The following MCM8 variants were observed in gnomAD, a reference collection of about 807,000 sequenced individuals.
The protein encoded by MCM8 is DNA helicase MCM8.
MCM8 carries 85 observed loss-of-function variants against 98.9 expected under a neutral mutation model. The observed-to-expected ratio is 0.86, with a 90% CI of 0.72 to 1.03. The LOEUF is 1.03. Among genes scored for constraint, MCM8 ranks in the 50% least tolerant of loss-of-function variants. The pLI, the probability that MCM8 is intolerant of heterozygous loss-of-function variation, is 0.00. For synonymous variants in MCM8, 352 were observed against 338.6 expected (o/e 1.04, Z -0.44); for missense variants, 951 against 997.8 (o/e 0.95, Z 0.63).
At chr20:5,969,023 T>TC (rs2089341745) in intron 10 of MCM8, among the ~76,000 whole-genome samples, 1 of 152,226 alleles carries the variant, frequency 6.6e-6, no homozygotes, top group Non-Finnish European at 1.5e-5. Context: ...GGCATTTACT[T>TC]CCAGTGTGAT....
chr20:5,971,716 C>T (rs941734262), intron 10 of MCM8, among the ~76,000 whole-genome samples: 3 of 152,150 alleles, frequency 2.0e-5, no homozygotes, highest in East Asian at 3.8e-4. Context: ...ATGATTGTGA[C>T]GCATTTTAAG....
intron 3 of MCM8, 56 bp downstream of exon 3, chr20:5,952,584 T>G: frequency 7.1e-7 from 1 of 1,398,898 alleles, no homozygotes; most frequent in South Asian, 1.2e-5. Flanking sequence ...TAACTTGTCT[T>G]TGGATGCTAC....
Position 5,967,601 on chromosome 20 carries a change from C to G in MCM8, c.1027+14C>G. On this transcript the variant is annotated intron_variant, in intron 9 of 18. Transcript: ENST00000610722. ...ATGCGGAAGAAGGTAGGGTACAACT[C>G]TTTTCATTATTTGTCTCTCAATAAT... 1 of 1,594,576 alleles carries G rather than the reference C, an allele frequency of 6.3e-7. No homozygotes were observed. Among genetic ancestry groups the G allele is most frequent in the East Asian group, 2.3e-5 (1 of 44,394 alleles).
At chr20:5,963,406 C>T (rs780258846) in intron 8 of MCM8, 47 bp downstream of exon 8, 1 of 1,394,450 alleles carries the variant, frequency 7.2e-7, no homozygotes, top group Non-Finnish European at 1.0e-6. Context: ...AGATGTCACA[C>T]TGTTGAGAAA....
chr20:5,972,791 G>A lies in MCM8; in HGVS notation c.1255-265G>A, dbSNP rs188762233. 1.5e-4 allele frequency: 217 copies of A among 1,403,602 alleles called. 1 individual carries two copies. In the East Asian group the frequency reaches 2.6e-3, roughly 17 times the overall value. The allele number at this position is 1,403,602 out of a possible 1,614,324, so 86.9% of individuals were successfully genotyped here. On this transcript the variant is annotated intron_variant, in intron 11 of 18. Coordinates refer to ENST00000610722, the MANE Select transcript of MCM8 (RefSeq NM_032485.6). ...ATTAAAGCAAAAACAAATATTTCTC[G>A]TTTTTGTGGAATGGATTTATGCCTT...
At chr20:5,965,214 G>A (rs2089248417) in intron 8 of MCM8, 3 of 152,138 alleles carry the variant, frequency 2.0e-5, no homozygotes, top group South Asian at 4.1e-4. Context: ...AATAATATGA[G>A]CTTCTGACTT....
At chr20:5,963,889 A>G (rs1411421217) in intron 8 of MCM8, among the ~76,000 whole-genome samples, 1 of 152,200 alleles carries the variant, frequency 6.6e-6, no homozygotes, top group Non-Finnish European at 1.5e-5. Context: ...AGGATTCATT[A>G]TGCAAATATT....
chr20:5,987,524 T>C (rs1462344357), intron 17 of MCM8, among the ~76,000 whole-genome samples, 166 bp downstream of exon 17: 1 of 152,222 alleles, frequency 6.6e-6, no homozygotes, highest in East Asian at 1.9e-4. Flanking sequence ...GTGTAAATAA[T>C]CTTTACATTA....
intron 8 of MCM8, among the ~76,000 whole-genome samples, chr20:5,965,704 A>G (rs2089261448): frequency 6.6e-6 from 1 of 152,146 alleles, no homozygotes; most frequent in African/African-American, 2.4e-5. Flanking sequence ...TTTAGTGTGC[A>G]TCATATTTGG....
At chr20:5,986,446 G>C (rs769923275) in intron 16 of MCM8, among the ~76,000 whole-genome samples, 1 of 152,206 alleles carries the variant, frequency 6.6e-6, no homozygotes, top group Non-Finnish European at 1.5e-5. Flanking sequence ...GACCCAAGTT[G>C]AGTATATGGG....
rs1209627076 is a variant in MCM8 at position 5,984,973 on chromosome 20, T to G, written c.1926T>G (p.Ser642=). Residue 642 remains serine (S), a synonymous_variant, in exon 15 of 19, where the codon TCT becomes TCG. Transcript: ENST00000610722. ...ATACTTCCGTACTTGAAGTAGTTTC[T>G]GAGAAGCCATTATCAGAAAGACTAA... ...DSNTSVLEVV[S]EKPLSERLKV... The G allele has an allele frequency of 6.2e-7, 1 of 1,613,998 alleles. No homozygotes were observed. The highest frequency in any genetic ancestry group is 8.5e-7 in the Non-Finnish European group (1 of 1,179,920).
At chr20:5,951,555 A>G (rs2088824342) in intron 1 of MCM8, among the ~76,000 whole-genome samples, 1 of 152,224 alleles carries the variant, frequency 6.6e-6, no homozygotes, top group Non-Finnish European at 1.5e-5. Flanking sequence ...TGGATGTGAC[A>G]CTGCAGGATT....
Position 5,995,190 on chromosome 20 carries a change from C to T in MCM8, c.*799C>T, listed in dbSNP as rs898479316. 2 of 152,556 alleles carry T rather than the reference C, an allele frequency of 1.3e-5. No individual in the cohort carries two copies. The highest frequency in any genetic ancestry group is 2.4e-5 in the African/African-American group (1 of 41,384). 9.5% of individuals were successfully genotyped at this position (152,556 alleles called of 1,614,324 possible). On this transcript the variant is annotated 3_prime_UTR_variant, in exon 19 of 19. Coordinates refer to ENST00000610722, the MANE Select transcript of MCM8 (RefSeq NM_032485.6). ...TTTCCCATGTCAAGAATACAAAATACTTGAGTTTTGTTTTTAGCTATTTAA... is the reference window on the plus strand; with the variant it reads ...TTTCCCATGTCAAGAATACAAAATATTTGAGTTTTGTTTTTAGCTATTTAA...
rs186393328 is a variant in MCM8, at chr20:5,961,414, T to C, written c.790-1860T>C. Among the ~76,000 whole-genome samples the C allele has an allele frequency of 3.2e-3, 491 of 152,308 alleles. 5 individuals are homozygous for C. Among genetic ancestry groups the C allele is most frequent in the African/African-American group, 0.011 (467 of 41,578 alleles). ...AGGGTTGAATCCTTAGTGAGGTAAA[T>C]AGTCCCTTGAAGAATTAAAAAGGGA... On this transcript the variant is annotated intron_variant, in intron 7 of 18. Coordinates refer to ENST00000610722, the MANE Select transcript of MCM8 (RefSeq NM_032485.6).
At chr20:5,967,660 C>G in intron 9 of MCM8, 73 bp downstream of exon 9, 1 of 1,481,988 alleles carries the variant, frequency 6.7e-7, no homozygotes, top group Non-Finnish European at 9.1e-7. Context: ...TAAGATGCTC[C>G]TGAACCTCAA....
At position 5,958,554 on chromosome 20, in the gene MCM8, A is replaced by G; in HGVS notation, c.617A>G (p.Gln206Arg). 6.2e-7 allele frequency: 1 copy of G among 1,614,096 alleles called. No individual in the cohort carries two copies. The highest frequency in any genetic ancestry group is 8.5e-7 in the Non-Finnish European group (1 of 1,179,950). The change falls in exon 7 of 19, where the codon CAG (glutamine) becomes CGG (arginine). Residue 206 changes from glutamine (Q) to arginine (R), a missense_variant. Transcript: ENST00000610722. ...GTGTACAACTATGAGCCTTTGACAC[A>G]GCTCAAGAATGTCAGAGCAAATTAC... ...ARVYNYEPLT[Q>R]LKNVRANYYG...
intron 12 of MCM8, among the ~76,000 whole-genome samples, chr20:5,973,982 C>T (rs2089457590): frequency 6.6e-6 from 1 of 152,100 alleles, no homozygotes; most frequent in South Asian, 2.1e-4. Context: ...TGTGATCAGT[C>T]ATTTGTAGAT....
intron 12 of MCM8, among the ~76,000 whole-genome samples, chr20:5,976,604 T>C (rs1212661502): frequency 6.6e-6 from 1 of 152,210 alleles, no homozygotes; most frequent in African/African-American, 2.4e-5. Context: ...GGGCTTAAAC[T>C]ATCACAAAGA....
rs956099445 is a variant in MCM8 at position 5,954,975 on chromosome 20, T to TA, written c.337-126dup. On this transcript the variant is annotated intron_variant, in intron 4 of 18. Transcript: ENST00000610722. ...CCATGCTTGGCACAAAGCTTATACT[T>TA]ATGTCATACTTACCATTATCACATA... is the stretch of plus-strand genomic sequence containing the variant. The TA allele has an allele frequency of 3.2e-5, 22 of 681,644 alleles. 1 individual carries two copies. Among genetic ancestry groups the TA allele is most frequent in the African/African-American group, 2.9e-4 (16 of 55,324 alleles). 42.2% of individuals were successfully genotyped at this position (681,644 alleles called of 1,614,324 possible).
Sources: allele counts gnomAD v4.1 joint callset (sites outside exome capture counted in the v4.1 genomes callset), GRCh38; gene constraint gnomAD v4.1.1; transcripts MANE v1.5; gene names NCBI Gene and HGNC (gene_info 2026-07-23, HGNC 2026-07-21).